Variants in PCBP3 observed in about 807,000 individuals in gnomAD.
PCBP3 encodes poly(rC)-binding protein 3.
A neutral mutation model predicts 52.7 loss-of-function variants in PCBP3; 25 were observed. The ratio of observed to expected loss-of-function variants is 0.47; its 90% CI spans 0.35 to 0.66. The LOEUF (loss-of-function observed/expected upper bound fraction) is 0.66, where lower values mean the gene tolerates loss of function less well. PCBP3 is among the 30% of genes least tolerant of loss of function. The pLI, the probability that PCBP3 is intolerant of heterozygous loss-of-function variation, is 0.01. For synonymous variants in PCBP3, 162 were observed against 183.0 expected, an observed-to-expected ratio of 0.89 and a Z score of 0.93; for missense variants, 391 against 490.3, an observed-to-expected ratio of 0.80 and a Z score of 1.91.
chr21:45,835,133 G>A (rs909761877), intron 4 of PCBP3, among the ~76,000 whole-genome samples: 9 of 152,184 alleles, frequency 5.9e-5, no homozygotes, highest in African/African-American at 1.7e-4. Flanking sequence ...ATAGGAGTTA[G>A]GTACATCTTT....
chr21:45,907,188 A>G (rs925536190), intron 9 of PCBP3, among the ~76,000 whole-genome samples: 6 of 152,192 alleles, frequency 3.9e-5, no homozygotes, highest in Admixed American at 1.3e-4. Flanking sequence ...CAGCTATTAC[A>G]TGAGTGTGCT....
chr21:45,936,276 T>C (rs911484254), intron 16 of PCBP3, among the ~76,000 whole-genome samples: 4 of 152,318 alleles, frequency 2.6e-5, no homozygotes, highest in African/African-American at 7.2e-5. Flanking sequence ...GAATGGACCA[T>C]GAGGCTGTCT....
intron 2 of PCBP3, among the ~76,000 whole-genome samples, chr21:45,672,361 G>C (rs116318603): frequency 0.014 from 2,183 of 152,036 alleles, 53 homozygotes; most frequent in African/African-American, 0.05. Context: ...ACAGAAAATG[G>C]ACTAAAATAG....
chr21:45,837,571 G>A lies in PCBP3; in HGVS notation c.-125-12390G>A, dbSNP rs1342211231. ...TAGCCCTGGGTTGTCTGCCTCTTGGGGGTAGCGGCTGTGTGGAATGCCTGC... is the reference window on the plus strand; with the variant it reads ...TAGCCCTGGGTTGTCTGCCTCTTGGAGGTAGCGGCTGTGTGGAATGCCTGC... On this transcript the variant is annotated intron_variant, in intron 4 of 17. Coordinates refer to ENST00000681687, the MANE Select transcript of PCBP3 (RefSeq NM_001384156.1). The surrounding 1 kb of genome is among the most constrained non-coding windows in gnomAD (Gnocchi z 4.1). Among the ~76,000 whole-genome samples, 1 of 152,204 alleles carries A rather than the reference G, an allele frequency of 6.6e-6. No homozygotes were observed. The highest frequency in any genetic ancestry group is 1.5e-5 in the Non-Finnish European group (1 of 68,032).
intron 4 of PCBP3, among the ~76,000 whole-genome samples, chr21:45,824,303 C>T (rs74709815): frequency 1.4e-3 from 219 of 152,288 alleles, no homozygotes; most frequent in Non-Finnish European, 1.9e-3. Context: ...TAGAACACTC[C>T]GAGTTTTGCT....
intron 4 of PCBP3, among the ~76,000 whole-genome samples, 200 bp from the exon 5 acceptor site, chr21:45,849,761 T>C (rs1315718918): frequency 1.3e-5 from 2 of 152,268 alleles, no homozygotes; most frequent in East Asian, 3.9e-4. Flanking sequence ...GTCACCTCAT[T>C]TGGGGTGTTG....
At chr21:45,688,742 A>G (rs962124008) in intron 2 of PCBP3, among the ~76,000 whole-genome samples, 2 of 152,106 alleles carry the variant, frequency 1.3e-5, no homozygotes, top group African/African-American at 4.8e-5. Context: ...AAGAGAAGAA[A>G]TACAGGTTAA....
At chr21:45,864,996 A>C (rs1434796122) in intron 5 of PCBP3, among the ~76,000 whole-genome samples, 2 of 152,186 alleles carry the variant, frequency 1.3e-5, no homozygotes, top group African/African-American at 4.8e-5. Context: ...ACAGCCTTCA[A>C]ATGAATTTCA....
rs1022436187 is a variant in PCBP3, at chr21:45,752,213, T to C, written c.-161-3204T>C. Among the ~76,000 whole-genome samples the C allele has an allele frequency of 1.9e-4, 29 of 152,170 alleles. 1 individual carries two copies. The highest frequency in any genetic ancestry group is 6.5e-5 in the Admixed American group (1 of 15,288). On this transcript the variant is annotated intron_variant, in intron 3 of 17. Transcript: ENST00000681687. ...CCCAGATTAAAGAGGAAATTACTCA[T>C]GTTTTATTCTAGTACTTGTGTAGTT...
At chr21:45,867,421 C>T (rs1412516810) in intron 5 of PCBP3, among the ~76,000 whole-genome samples, 4 of 152,252 alleles carry the variant, frequency 2.6e-5, no homozygotes, top group Admixed American at 6.5e-5. Context: ...GGACCTGACA[C>T]GGGCGTGCGG....
intron 2 of PCBP3, among the ~76,000 whole-genome samples, chr21:45,726,045 G>A (rs1278560950): frequency 1.3e-5 from 2 of 152,152 alleles, no homozygotes; most frequent in African/African-American, 4.8e-5. Flanking sequence ...TTGGTACGGA[G>A]GCTGCAGGTG....
intron 4 of PCBP3, among the ~76,000 whole-genome samples, chr21:45,769,975 T>TGCAGGAGGTTTTGTTTAGCCC (rs1386724467): frequency 3.3e-5 from 5 of 152,226 alleles, no homozygotes; most frequent in Non-Finnish European, 4.4e-5. Flanking sequence ...TTGTTTAGCC[T>TGCAGGAGGTTTTGTTTAGCCC]GCAGGAGGTT....
chr21:45,655,920 A>G (rs1020724002), intron 1 of PCBP3, among the ~76,000 whole-genome samples: 1 of 152,258 alleles, frequency 6.6e-6, no homozygotes, highest in Non-Finnish European at 1.5e-5. Context: ...CATTAGAGAA[A>G]TGCAAATGAA....
chr21:45,674,786 A>G (rs1197653623), intron 2 of PCBP3, among the ~76,000 whole-genome samples: 1 of 152,172 alleles, frequency 6.6e-6, no homozygotes, highest in Middle Eastern at 3.2e-3. Context: ...GGGCACTGGA[A>G]TGAGATGTGA....
Position 45,878,032 on chromosome 21 carries a change from G to T in PCBP3, c.11-18176G>T, listed in dbSNP as rs544941340. On this transcript the variant is annotated intron_variant, in intron 5 of 17. Coordinates refer to ENST00000681687, the MANE Select transcript of PCBP3 (RefSeq NM_001384156.1). Reference sequence around the variant, plus strand: ...ACTCCAGGCAGCCACATACCCAGAAGTGCAGCCACAGAGAAGCTCCGCATT... The same window carrying T: ...ACTCCAGGCAGCCACATACCCAGAATTGCAGCCACAGAGAAGCTCCGCATT... 9.2e-5 allele frequency among the ~76,000 whole-genome samples: 14 copies of T among 152,372 alleles called. No homozygotes were observed. The East Asian group carries it at 1.5e-3, about 17-fold the overall frequency.
At chr21:45,888,290 C>A (rs765256248) in intron 5 of PCBP3, among the ~76,000 whole-genome samples, 2 of 152,224 alleles carry the variant, frequency 1.3e-5, no homozygotes, top group Non-Finnish European at 2.9e-5. Context: ...TAGCACAGAG[C>A]CTAAAGCTTA....
intron 5 of PCBP3, among the ~76,000 whole-genome samples, chr21:45,865,487 A>G (rs2094682358): frequency 6.6e-6 from 1 of 152,226 alleles, no homozygotes; most frequent in Non-Finnish European, 1.5e-5. Flanking sequence ...CAGAAGCAAC[A>G]AGGTGATGTC....
intron 6 of PCBP3, among the ~76,000 whole-genome samples, chr21:45,898,249 C>T (rs531396443): frequency 1.9e-4 from 29 of 152,236 alleles, no homozygotes; most frequent in Admixed American, 1.9e-3. Flanking sequence ...TTGACGGGGG[C>T]CCCTCCCTGT....
chr21:45,666,524 T>C (rs2080806420), intron 1 of PCBP3, among the ~76,000 whole-genome samples: 1 of 152,174 alleles, frequency 6.6e-6, no homozygotes, highest in Admixed American at 6.5e-5. Flanking sequence ...TTTTACTGTT[T>C]CTTGTTAGGT....
Sources: gnomAD v4.1 joint callset for allele counts (sites outside exome capture counted in the v4.1 genomes callset) on GRCh38, gnomAD v4.1.1 for gene constraint, Gnocchi (gnomAD v3.1) non-coding constraint, MANE v1.5 for transcripts, NCBI Gene and HGNC (gene_info 2026-07-23, HGNC 2026-07-21) for gene names.